The following EYS variants were observed in gnomAD, a reference collection of about 807,000 sequenced individuals.
EYS encodes the protein protein eyes shut homolog.
Under a neutral mutation model 282.1 loss-of-function variants are expected in EYS, and 250 were observed. The observed-to-expected ratio is 0.89, with a 90% CI of 0.80 to 0.98. The LOEUF is 0.98. Ranked by LOEUF, EYS falls within the 50% of genes least tolerant of loss-of-function variation. The pLI, the probability that EYS is intolerant of heterozygous loss-of-function variation, is 0.00. For missense variants in EYS, 4,016 were observed against 3,709.0 expected (o/e 1.08, Z -2.15); for synonymous variants, 1,355 against 1,282.9 (o/e 1.06, Z -1.20).
At chr6:64,049,912 G>T (rs1770751428) in intron 33 of EYS, among the ~76,000 whole-genome samples, 1 of 152,124 alleles carries the variant, frequency 6.6e-6, no homozygotes, top group Non-Finnish European at 1.5e-5. Flanking sequence ...ACCCAGGTGG[G>T]TGGAAATTCA....
Position 64,867,575 on chromosome 6 carries a change from T to G in EYS, c.2992+19122A>C, listed in dbSNP as rs77805536. 6.2e-3 allele frequency among the ~76,000 whole-genome samples: 944 copies of G among 151,794 alleles called. 2 individuals carry two copies. The highest frequency in any genetic ancestry group is 0.022 in the African/African-American group (905 of 41,522). ...TATTCCATTGTCAATGAAATCTGAG[T>G]TCTCTATAGATGCTTATCTTCTTAG... On this transcript the variant is annotated intron_variant, in intron 19 of 42. Coordinates refer to ENST00000503581, the MANE Select transcript of EYS (RefSeq NM_001142800.2).
chr6:65,242,114 A>G (rs1767071486), intron 12 of EYS, among the ~76,000 whole-genome samples: 1 of 152,072 alleles, frequency 6.6e-6, no homozygotes, highest in South Asian at 2.1e-4. Context: ...TAAAATTTCT[A>G]TGTATTTTTT....
chr6:63,980,385 A>G lies in EYS; in HGVS notation c.7055+3998T>C, dbSNP rs957436085. Among the ~76,000 whole-genome samples the G allele has an allele frequency of 2.6e-5, 4 of 151,820 alleles. No individual in the cohort carries two copies. The East Asian group carries it at 7.8e-4, about 30-fold the overall frequency. The stretch of plus-strand genomic sequence containing the variant: ...CCTAGAACAATTAAACTGTGATGAG[A>G]AATTGTTATTTGCATTTCAAAGTAA... On this transcript the variant is annotated intron_variant, in intron 35 of 42. Coordinates refer to ENST00000503581, the MANE Select transcript of EYS (RefSeq NM_001142800.2).
intron 28 of EYS, among the ~76,000 whole-genome samples, chr6:64,396,387 G>C (rs1773378011): frequency 6.6e-6 from 1 of 151,620 alleles, no homozygotes; most frequent in African/African-American, 2.4e-5. Flanking sequence ...ATTTTGCAAG[G>C]ATTTTCTTTT....
chr6:64,509,441 T>A (rs1777314865), intron 26 of EYS, among the ~76,000 whole-genome samples: 1 of 152,154 alleles, frequency 6.6e-6, no homozygotes. Flanking sequence ...AAATTATATG[T>A]TCCTTAAAGT....
intron 12 of EYS, among the ~76,000 whole-genome samples, chr6:65,165,820 A>G (rs996106185): frequency 1.3e-5 from 2 of 151,210 alleles, no homozygotes; most frequent in Non-Finnish European, 1.5e-5. Flanking sequence ...CATATAGAAA[A>G]TTCTAAGGAA....
At chr6:64,450,507 C>A (rs1013530296) in intron 26 of EYS, among the ~76,000 whole-genome samples, 1 of 152,068 alleles carries the variant, frequency 6.6e-6, no homozygotes, top group Non-Finnish European at 1.5e-5. Context: ...ACCAAGTAGA[C>A]CTAATAGACA....
chr6:65,353,506 C>T lies in EYS; in HGVS notation c.1411G>A (p.Asp471Asn). Reference sequence around the variant, plus strand: ...TATTCAAATTGAGCAGGACCTTTATCTTGGCAAATACCATGGAAGGTGACT... The same window carrying T: ...TATTCAAATTGAGCAGGACCTTTATTTTGGCAAATACCATGGAAGGTGACT... ...CGVTFHGICQDKGPAQFEYVW... is the reference protein window; with the variant it reads ...CGVTFHGICQNKGPAQFEYVW... Residue 471 changes from aspartate to asparagine, a missense_variant, in exon 9 of 43, where the codon GAT becomes AAT. Coordinates refer to ENST00000503581, the MANE Select transcript of EYS (RefSeq NM_001142800.2). 1 of 1,613,248 alleles carries T rather than the reference C, an allele frequency of 6.2e-7. No individual in the cohort carries two copies. Among genetic ancestry groups the T allele is most frequent in the South Asian group, 1.1e-5 (1 of 91,060 alleles).
At chr6:65,315,275 CT>C (rs1300457401) in intron 11 of EYS, among the ~76,000 whole-genome samples, 5 of 152,088 alleles carry the variant, frequency 3.3e-5, no homozygotes, top group Non-Finnish European at 5.9e-5. Context: ...AAAGTTTGAG[CT>C]TTTGTATCTT....
At chr6:64,728,435 C>T (rs1771836262) in intron 22 of EYS, among the ~76,000 whole-genome samples, 1 of 152,058 alleles carries the variant, frequency 6.6e-6, no homozygotes, top group Non-Finnish European at 1.5e-5. Context: ...CCCGGGTTCA[C>T]CCCATTCTCC....
At chr6:64,685,634 G>T (rs546810494) in intron 22 of EYS, among the ~76,000 whole-genome samples, 1 of 152,244 alleles carries the variant, frequency 6.6e-6, no homozygotes, top group African/African-American at 2.4e-5. Flanking sequence ...GAAACAGCCT[G>T]AGGCTTTTGC....
chr6:63,925,780 A>T (rs1308679384), intron 35 of EYS, among the ~76,000 whole-genome samples: 1 of 152,106 alleles, frequency 6.6e-6, no homozygotes, highest in Non-Finnish European at 1.5e-5. Flanking sequence ...AGTAGTTGGG[A>T]TTATAGGCAC....
chr6:64,271,921 C>T (rs546296028), intron 30 of EYS, among the ~76,000 whole-genome samples: 76 of 152,212 alleles, frequency 5.0e-4, no homozygotes, highest in South Asian at 1.2e-3. Flanking sequence ...CTCACTGCAA[C>T]CTCTGTGTCC....
At chr6:65,244,657 C>T (rs1016416600) in intron 12 of EYS, among the ~76,000 whole-genome samples, 2 of 150,714 alleles carry the variant, frequency 1.3e-5, no homozygotes, top group Non-Finnish European at 2.9e-5. Flanking sequence ...GGACTACAGG[C>T]GCCCGCCAGC....
At chr6:65,178,943 A>G (rs939973580) in intron 12 of EYS, among the ~76,000 whole-genome samples, 2 of 152,106 alleles carry the variant, frequency 1.3e-5, no homozygotes, top group African/African-American at 4.8e-5. Flanking sequence ...AAACTGAACA[A>G]CCTGCTCCTG....
intron 12 of EYS, among the ~76,000 whole-genome samples, chr6:65,274,355 A>G (rs1468076962): frequency 2.0e-5 from 3 of 152,236 alleles, no homozygotes; most frequent in Non-Finnish European, 2.9e-5. Context: ...TGTGCAGAAG[A>G]CAGATGGATC....
At chr6:64,387,978 C>T (rs181791162) in intron 29 of EYS, among the ~76,000 whole-genome samples, 18 of 151,754 alleles carry the variant, frequency 1.2e-4, no homozygotes, top group African/African-American at 4.3e-4. Context: ...TTTTATATTT[C>T]CAATAATATA....
chr6:65,311,586 ATT>A (rs1769162066), intron 11 of EYS, among the ~76,000 whole-genome samples: 1 of 152,158 alleles, frequency 6.6e-6, no homozygotes, highest in African/African-American at 2.4e-5. Context: ...TTAATATTTA[ATT>A]TGTGTCAATT....
At chr6:64,125,154 G>GCGCGCGCGCTCTCTCTCTCTC (rs1773724746) in intron 31 of EYS, among the ~76,000 whole-genome samples, 4 of 145,334 alleles carry the variant, frequency 2.8e-5, no homozygotes, top group African/African-American at 1.0e-4. Context: ...CACACTCTCT[G>GCGCGCGCGCTCTCTCTCTCTC]TCTCTCTCTC....
Sources: allele counts gnomAD v4.1 joint callset (sites outside exome capture counted in the v4.1 genomes callset), GRCh38; gene constraint gnomAD v4.1.1; transcripts MANE v1.5; gene names NCBI Gene and HGNC (gene_info 2026-07-23, HGNC 2026-07-21).